CEP128: variants seen among roughly 807,000 people sequenced by gnomAD.
CEP128 encodes the protein centrosomal protein 128.
CEP128 carries 132 observed loss-of-function variants against 156.7 expected under a neutral mutation model. That is an observed-to-expected ratio of 0.84 (90% CI 0.73 to 0.97). CEP128 has a LOEUF of 0.97. CEP128 is among the 50% of genes least tolerant of loss of function. CEP128 has a pLI of 0.00. For missense variants in CEP128, 1,252 were observed against 1,281.9 expected, an observed-to-expected ratio of 0.98 and a Z score of 0.36; for synonymous variants, 469 against 448.9, an observed-to-expected ratio of 1.04 and a Z score of -0.57.
At chr14:80,910,050 C>T (rs1345893270) in intron 4 of CEP128, among the ~76,000 whole-genome samples, 2 of 152,126 alleles carry the variant, frequency 1.3e-5, no homozygotes, top group Non-Finnish European at 2.9e-5. Context: ...GACTACCTCA[C>T]CAGATACCAA....
chr14:80,707,508 T>C (rs893245388), intron 19 of CEP128, among the ~76,000 whole-genome samples: 22 of 152,300 alleles, frequency 1.4e-4, no homozygotes, highest in African/African-American at 5.1e-4. Flanking sequence ...ACTTTTTTCA[T>C]GGCAAATGGT....
chr14:80,502,274 G>C (rs1207907591), intron 24 of CEP128, among the ~76,000 whole-genome samples: 3 of 152,114 alleles, frequency 2.0e-5, no homozygotes, highest in South Asian at 4.1e-4. Context: ...TCTCATAAAA[G>C]AAAAGAGTGA....
intron 16 of CEP128, among the ~76,000 whole-genome samples, chr14:80,771,865 G>T (rs1900527127): frequency 6.6e-6 from 1 of 152,200 alleles, no homozygotes; most frequent in Admixed American, 6.5e-5. Flanking sequence ...GAACAGGACT[G>T]GTAACCCTGA....
chr14:80,897,606 TAG>T (rs71456224), intron 7 of CEP128, among the ~76,000 whole-genome samples: 14,748 of 151,286 alleles, frequency 0.097, 1,222 homozygotes, highest in East Asian at 0.44. Flanking sequence ...TTGAAAATCT[TAG>T]AGTCATCCTT....
rs1157333137 is a variant in CEP128 at position 80,580,274 on chromosome 14, C to G, written c.2856+100G>C. ...TAGTTCTGACATTGTCCTTGTCACC[C>G]TATTTGCTATACCAGTGTGAATGTG... On this transcript the variant is annotated intron_variant, in intron 20 of 24. Transcript: ENST00000555265. 7.0e-6 allele frequency: 5 copies of G among 713,976 alleles called. 1 individual carries two copies. Among genetic ancestry groups the G allele is most frequent in the Non-Finnish European group, 1.2e-5 (5 of 416,904 alleles). The allele number at this position is 713,976 out of a possible 1,614,324, so 44.2% of individuals were successfully genotyped here.
rs1883866685 is a variant in CEP128, at chr14:80,906,010, T to C, written c.306A>G (p.Arg102=). ...SQRLLRNSGG[R]SISVTSLSAS... ...CACTCAAACTTGTAACAGAAATACT[T>C]CTCCCTCCTGAGTTTCTCAATAAAC... The change falls in exon 5 of 25, where the codon AGA becomes AGG. Residue 102 remains arginine, a synonymous_variant. Transcript: ENST00000555265. The C allele has an allele frequency of 6.2e-7, 1 of 1,613,282 alleles. No homozygotes were observed. Among genetic ancestry groups the C allele is most frequent in the East Asian group, 2.2e-5 (1 of 44,792 alleles).
At chr14:80,776,619 G>C (rs1900808477) in intron 16 of CEP128, among the ~76,000 whole-genome samples, 1 of 150,588 alleles carries the variant, frequency 6.6e-6, no homozygotes, top group African/African-American at 2.4e-5. Context: ...AAAGCACTAA[G>C]AAAGTTTCTT....
chr14:80,721,274 C>G (rs1317830584), intron 19 of CEP128, among the ~76,000 whole-genome samples: 1 of 152,086 alleles, frequency 6.6e-6, no homozygotes, highest in East Asian at 1.9e-4. Context: ...CTCGACAACC[C>G]TGGCAATCAT....
chr14:80,584,141 ATT>A (rs992004088), intron 19 of CEP128, among the ~76,000 whole-genome samples: 2 of 117,364 alleles, frequency 1.7e-5, no homozygotes, highest in Non-Finnish European at 1.7e-5. Context: ...CGTCCGTGAC[ATT>A]TTTTTTTTTT....
chr14:80,703,741 C>A (rs1319485724), intron 19 of CEP128, among the ~76,000 whole-genome samples: 2 of 152,006 alleles, frequency 1.3e-5, no homozygotes, highest in Admixed American at 6.6e-5. Flanking sequence ...TTAATACAAT[C>A]CACTGGCATT....
chr14:80,736,056 C>T (rs1305489565), intron 19 of CEP128, among the ~76,000 whole-genome samples: 1 of 152,010 alleles, frequency 6.6e-6, no homozygotes, highest in Non-Finnish European at 1.5e-5. Context: ...AGGTTGTGGA[C>T]ATCTTTTGGC....
At chr14:80,858,870 T>C (rs1326341481) in intron 9 of CEP128, among the ~76,000 whole-genome samples, 2 of 152,094 alleles carry the variant, frequency 1.3e-5, no homozygotes, top group African/African-American at 2.4e-5. Flanking sequence ...CCAGTTAGAA[T>C]GGCAATCATT....
At chr14:80,791,375 T>C (rs562767528) in intron 14 of CEP128, among the ~76,000 whole-genome samples, 6 of 152,314 alleles carry the variant, frequency 3.9e-5, no homozygotes, top group African/African-American at 1.4e-4. Context: ...TTCTGGGAAA[T>C]GATTGTTAAA....
At chr14:80,695,756 T>A (rs974266902) in intron 19 of CEP128, among the ~76,000 whole-genome samples, 1 of 151,138 alleles carries the variant, frequency 6.6e-6, no homozygotes, top group East Asian at 1.9e-4. Flanking sequence ...TCAGGTAATA[T>A]CAAGTAGTTT....
At chr14:80,666,468 G>T (rs1257027639) in intron 19 of CEP128, among the ~76,000 whole-genome samples, 2 of 152,064 alleles carry the variant, frequency 1.3e-5, no homozygotes, top group East Asian at 3.9e-4. Context: ...TCTGGTCATG[G>T]GCCCCTTCCC....
chr14:80,677,240 C>CCTT (rs1342665390), intron 19 of CEP128, among the ~76,000 whole-genome samples: 1 of 152,116 alleles, frequency 6.6e-6, no homozygotes, highest in Non-Finnish European at 1.5e-5. Context: ...GGCGTGGTGG[C>CCTT]TGACACCTGT....
chr14:80,843,084 G>A (rs1436264740), intron 9 of CEP128, among the ~76,000 whole-genome samples: 3 of 151,832 alleles, frequency 2.0e-5, no homozygotes, highest in Non-Finnish European at 2.9e-5. Flanking sequence ...GTAGTAAAAA[G>A]GGGAAAAGAA....
chr14:80,575,627 C>G (rs1242807485), intron 20 of CEP128, among the ~76,000 whole-genome samples: 1 of 152,150 alleles, frequency 6.6e-6, no homozygotes, highest in Non-Finnish European at 1.5e-5. Context: ...AGCATCATGT[C>G]TGACACATAG....
chr14:80,678,058 A>ATATATATG (rs150215612), intron 19 of CEP128, among the ~76,000 whole-genome samples: 28 of 75,060 alleles, frequency 3.7e-4, no homozygotes, highest in South Asian at 1.4e-3. Flanking sequence ...AAATATATAT[A>ATATATATG]TATATGTATA....
Sources: gnomAD v4.1 joint callset for allele counts (sites outside exome capture counted in the v4.1 genomes callset) on GRCh38, gnomAD v4.1.1 for gene constraint, MANE v1.5 for transcripts, NCBI Gene and HGNC (gene_info 2026-07-23, HGNC 2026-07-21) for gene names.